PDYN: variants seen among roughly 807,000 people sequenced by gnomAD.
PDYN encodes the protein prodynorphin, also known as proenkephalin-B.
Under a neutral mutation model 11.4 loss-of-function variants are expected in PDYN, and 5 were observed. The observed-to-expected ratio is 0.44, with a 90% CI of 0.23 to 0.92. The LOEUF (loss-of-function observed/expected upper bound fraction) is 0.92. Ranked by LOEUF, PDYN falls within the 40% of genes least tolerant of loss-of-function variation. The pLI, the probability that PDYN is intolerant of heterozygous loss-of-function variation, is 0.24. For synonymous variants in PDYN, 132 were observed against 129.5 expected (o/e 1.02, Z -0.13); for missense variants, 337 against 317.3 (o/e 1.06, Z -0.47).
At chr20:1,984,347 T>C (rs1369061487) in intron 2 of PDYN, among the ~76,000 whole-genome samples, 1 of 152,182 alleles carries the variant, frequency 6.6e-6, no homozygotes, top group Non-Finnish European at 1.5e-5. Context: ...GAGGCTTCCT[T>C]GGTCTCTCTC....
chr20:1,988,023 G>A (rs574918544), intron 2 of PDYN, among the ~76,000 whole-genome samples: 6 of 152,296 alleles, frequency 3.9e-5, no homozygotes, highest in East Asian at 1.9e-4. Context: ...TGCCGTGGAC[G>A]GAGGGCCTGC....
At chr20:1,983,247 C>T in intron 2 of PDYN, 144 bp from the exon 3 acceptor site, 1 of 760,938 alleles carries the variant, frequency 1.3e-6, no homozygotes, top group Non-Finnish European at 2.1e-6. Context: ...AAAACAGAGG[C>T]CCAGGGAGGT....
At chr20:1,983,851 T>C (rs909375461) in intron 2 of PDYN, among the ~76,000 whole-genome samples, 7 of 152,240 alleles carry the variant, frequency 4.6e-5, no homozygotes, top group African/African-American at 1.7e-4. Flanking sequence ...ACTTCAGCTC[T>C]GGGCTCCAAC....
chr20:1,988,197 T>C (rs1883723), intron 2 of PDYN, among the ~76,000 whole-genome samples: 18,339 of 152,088 alleles, frequency 0.12, 1,215 homozygotes, highest in East Asian at 0.2. Context: ...TTTCTTTTAA[T>C]ATCCATTTTA....
chr20:1,983,349 A>C (rs45503795), intron 2 of PDYN, among the ~76,000 whole-genome samples: 2 of 152,290 alleles, frequency 1.3e-5, no homozygotes, highest in East Asian at 3.9e-4. Flanking sequence ...CAATCTGCAC[A>C]ATAGTTCTTC....
chr20:1,985,938 T>C (rs1027370497), intron 2 of PDYN, among the ~76,000 whole-genome samples: 1 of 152,126 alleles, frequency 6.6e-6, no homozygotes, highest in Admixed American at 6.6e-5. Context: ...TACCACACCA[T>C]CTAACTCCTG....
chr20:1,993,378 T>G (rs1002984956), intron 1 of PDYN, among the ~76,000 whole-genome samples: 2 of 152,144 alleles, frequency 1.3e-5, no homozygotes, highest in Non-Finnish European at 2.9e-5. Flanking sequence ...ACCAGCACCC[T>G]GTCAGCAATT....
intron 2 of PDYN, among the ~76,000 whole-genome samples, chr20:1,987,878 T>C (rs1344707228): frequency 6.6e-6 from 1 of 152,074 alleles, no homozygotes; most frequent in Non-Finnish European, 1.5e-5. Context: ...AGTAGGTGCT[T>C]TGGAGAGGGG....
chr20:1,980,448 T>C lies in PDYN; in HGVS notation c.640A>G (p.Ile214Val). 2 of 1,614,174 alleles carry C rather than the reference T, an allele frequency of 1.2e-6. No homozygotes were observed. The highest frequency in any genetic ancestry group is 1.7e-6 in the Non-Finnish European group (2 of 1,180,036). The change falls in exon 4 of 4, where the codon ATT becomes GTT. Residue 214 changes from isoleucine to valine, a missense_variant. Ile to Val is a conservative substitution (Grantham distance 29, BLOSUM62 3). Coordinates refer to ENST00000217305, the MANE Select transcript of PDYN (RefSeq NM_024411.5). ...YKRYGGFLRR[I>V]RPKLKWDNQK... ...TTGTCCCACTTGAGCTTGGGACGAATGCGCCGCAAGAAGCCCCCATAGCGT... is the reference window on the plus strand; with the variant it reads ...TTGTCCCACTTGAGCTTGGGACGAACGCGCCGCAAGAAGCCCCCATAGCGT...
At chr20:1,981,081 A>C (rs1987749117) in intron 3 of PDYN, 123 bp from the exon 4 acceptor site, 1 of 1,047,574 alleles carries the variant, frequency 9.5e-7, no homozygotes, top group Non-Finnish European at 1.4e-6. Flanking sequence ...GCCCTGGGCT[A>C]CCCATGTTCA....
chr20:1,990,346 T>G (rs1321707478), intron 2 of PDYN, among the ~76,000 whole-genome samples: 1 of 152,206 alleles, frequency 6.6e-6, no homozygotes, highest in Admixed American at 6.5e-5. Context: ...TTCCTGACGT[T>G]GAAACCATTT....
chr20:1,980,191 G>A lies in PDYN; in HGVS notation c.*132C>T. 1 of 925,070 alleles carries A rather than the reference G, an allele frequency of 1.1e-6. No individual in the cohort carries two copies. Among genetic ancestry groups the A allele is most frequent in the Admixed American group, 1.8e-5 (1 of 56,692 alleles). The allele number at this position is 925,070 out of a possible 1,614,324, so 57.3% of individuals were successfully genotyped here. ...CTCCCACGCAGAAGAGAGATAGGCT[G>A]GGCTTGGATATTTTGTACACAATGC... On this transcript the variant is annotated 3_prime_UTR_variant, in exon 4 of 4. Transcript: ENST00000217305.
chr20:1,982,855 C>T (rs1253554448), intron 3 of PDYN, 101 bp downstream of exon 3: 1 of 1,311,454 alleles, frequency 7.6e-7, no homozygotes, highest in South Asian at 1.2e-5. Flanking sequence ...GATGGATCTA[C>T]AAGACAGCAC....
intron 2 of PDYN, among the ~76,000 whole-genome samples, chr20:1,991,021 G>C (rs1348723099): frequency 6.6e-6 from 1 of 151,774 alleles, no homozygotes; most frequent in Non-Finnish European, 1.5e-5. Context: ...GGGTGAGGAG[G>C]AGGGGAAGAA....
Position 1,980,696 on chromosome 20 carries a change from C to T in PDYN, c.392G>A (p.Arg131Lys), listed in dbSNP as rs1391307993. Residue 131 changes from arginine to lysine, a missense_variant, in exon 4 of 4, where the codon AGG (arginine) becomes AAG (lysine). Coordinates refer to ENST00000217305, the MANE Select transcript of PDYN (RefSeq NM_024411.5). ...CTCCCTAAACCCGTCAGAGAGACCC[C>T]TGAGCTTCTCCTCCAGGCTCTTGCT... is the stretch of plus-strand genomic sequence containing the variant. ...TLSKSLEEKLRGLSDGFREGA... is the reference protein window; with the variant it reads ...TLSKSLEEKLKGLSDGFREGA... 6.2e-7 allele frequency: 1 copy of T among 1,614,082 alleles called. No homozygotes were observed. The highest frequency in any genetic ancestry group is 1.3e-5 in the African/African-American group (1 of 74,934).
At chr20:1,988,066 C>T (rs1170435985) in intron 2 of PDYN, among the ~76,000 whole-genome samples, 1 of 152,228 alleles carries the variant, frequency 6.6e-6, no homozygotes, top group African/African-American at 2.4e-5. Context: ...GCCCTTCATC[C>T]ATGATCCTGT....
rs138714400 is a variant in PDYN, at chr20:1,983,967, TTC to T, written c.-19-866_-19-865del. Among the ~76,000 whole-genome samples, 940 of 152,304 alleles carry T rather than the reference TTC, an allele frequency of 6.2e-3. 8 individuals are homozygous for T. The highest frequency in any genetic ancestry group is 0.02 in the African/African-American group (838 of 41,568). On this transcript the variant is annotated intron_variant, in intron 2 of 3. Transcript: ENST00000217305. ...CGCCTGGAGAACCCTTCATCTCCTA[TTC>T]TGTTACCTGTCATTTAGGTCCTGGA...
At position 1,980,120 on chromosome 20, in the gene PDYN, A is replaced by C; in HGVS notation, c.*203T>G. 1 of 642,968 alleles carries C rather than the reference A, an allele frequency of 1.6e-6. No individual in the cohort carries two copies. Among genetic ancestry groups the C allele is most frequent in the Non-Finnish European group, 2.8e-6 (1 of 361,178 alleles). The allele number at this position is 642,968 out of a possible 1,614,324, so 39.8% of individuals were successfully genotyped here. A position where few individuals can be genotyped will look rare whatever the true frequency, so the allele number is the denominator to read the frequency against. ...CCAAGCACTAAGCCTATTGTGGGGA[A>C]GGGACATCCACCCTTCCCCATCACA... On this transcript the variant is annotated 3_prime_UTR_variant, in exon 4 of 4. Coordinates refer to ENST00000217305, the MANE Select transcript of PDYN (RefSeq NM_024411.5).
At chr20:1,988,490 CCCTG>C (rs1988291424) in intron 2 of PDYN, among the ~76,000 whole-genome samples, 1 of 152,162 alleles carries the variant, frequency 6.6e-6, no homozygotes, top group African/African-American at 2.4e-5. Flanking sequence ...TAAGAGAGAG[CCCTG>C]CCTGCCTATC....
Sources: allele counts gnomAD v4.1 joint callset (sites outside exome capture counted in the v4.1 genomes callset), GRCh38; gene constraint gnomAD v4.1.1; transcripts MANE v1.5; gene names NCBI Gene and HGNC (gene_info 2026-07-23, HGNC 2026-07-21).